Variants in RAD50 observed in about 807,000 individuals in gnomAD.
RAD50 encodes RAD50 double strand break repair protein.
Under a neutral mutation model 168.8 loss-of-function variants are expected in RAD50, and 132 were observed. That is an observed-to-expected ratio of 0.78 (90% CI 0.68 to 0.90). The LOEUF is 0.90. RAD50 is among the 40% of genes least tolerant of loss of function. The probability of loss-of-function intolerance (pLI) is 0.00; values close to 1 mark genes in which losing one functional copy is unlikely to be tolerated. For synonymous variants in RAD50, 525 were observed against 497.4 expected, an observed-to-expected ratio of 1.06 and a Z score of -0.74; for missense variants, 1,347 against 1,534.4, an observed-to-expected ratio of 0.88 and a Z score of 2.04.
At chr5:132,640,204 C>T (rs548705388) in intron 23 of RAD50, among the ~76,000 whole-genome samples, 3 of 152,198 alleles carry the variant, frequency 2.0e-5, no homozygotes, top group Admixed American at 6.5e-5. Context: ...GGATTATACA[C>T]AAGAATATGG....
intron 19 of RAD50, among the ~76,000 whole-genome samples, chr5:132,611,432 G>T (rs949380655): frequency 1.3e-5 from 2 of 151,292 alleles, no homozygotes; most frequent in African/African-American, 2.4e-5. Context: ...ACAGCCAGGC[G>T]TGGTGGCTCA....
intron 20 of RAD50, 94 bp downstream of exon 20, chr5:132,616,224 C>A: frequency 7.8e-7 from 1 of 1,279,638 alleles, no homozygotes; most frequent in Non-Finnish European, 1.1e-6. Flanking sequence ...ATTTTAGCCT[C>A]AGCCTGGTAT....
At chr5:132,589,506 C>T in intron 8 of RAD50, 125 bp from the exon 9 acceptor site, 1 of 703,464 alleles carries the variant, frequency 1.4e-6, no homozygotes, top group Non-Finnish European at 2.3e-6. Flanking sequence ...GGAATATATC[C>T]CTGCTGAGCA....
At chr5:132,565,292 GTT>G (rs34776903) in intron 2 of RAD50, among the ~76,000 whole-genome samples, 165 of 149,648 alleles carry the variant, frequency 1.1e-3, no homozygotes, top group African/African-American at 3.6e-3. Context: ...CCAGTTTCAG[GTT>G]TTTTTTTTAT....
chr5:132,585,460 A>T (rs1157185531), intron 5 of RAD50, among the ~76,000 whole-genome samples: 1 of 152,064 alleles, frequency 6.6e-6, no homozygotes, highest in Non-Finnish European at 1.5e-5. Flanking sequence ...TCAATTGATT[A>T]TTGATTTTGA....
intron 13 of RAD50, 24 bp from the exon 14 acceptor site, chr5:132,603,276 T>C (rs1446089092): frequency 1.3e-6 from 2 of 1,578,680 alleles, no homozygotes; most frequent in East Asian, 2.3e-5. Flanking sequence ...AGATACTTTA[T>C]TTTTAATTGT....
chr5:132,579,249 T>C (rs962493430), intron 3 of RAD50, 68 bp from the exon 4 acceptor site: 5 of 1,493,940 alleles, frequency 3.3e-6, no homozygotes, highest in Non-Finnish European at 4.6e-6. Context: ...CAGTATGAAT[T>C]GATTAAGCAA....
At position 132,589,604 on chromosome 5, in the gene RAD50, A is replaced by G. The variant is rs779114420; in HGVS notation, c.1246-27A>G. 5 of 1,491,646 alleles carry G rather than the reference A, an allele frequency of 3.4e-6. No homozygotes were observed. The East Asian group carries it at 9.1e-5, about 27-fold the overall frequency. The allele number at this position is 1,491,646 out of a possible 1,614,324, so 92.4% of individuals were successfully genotyped here. On this transcript the variant is annotated intron_variant, in intron 8 of 24. Coordinates refer to ENST00000378823, the MANE Select transcript of RAD50 (RefSeq NM_005732.4). ...ACTTAAATTGTTTAGTAAATTATTA[A>G]TGCTCATTCTTTACATATGCATTTA...
intron 5 of RAD50, among the ~76,000 whole-genome samples, chr5:132,583,837 G>A (rs1013361245): frequency 6.6e-6 from 1 of 151,792 alleles, no homozygotes; most frequent in Non-Finnish European, 1.5e-5. Context: ...GGGATTACAG[G>A]CATGTGCCAC....
rs1580974711 is a variant in RAD50, at chr5:132,557,554, G to A, written c.129+101G>A. 9.2e-6 allele frequency: 14 copies of A among 1,529,752 alleles called. No homozygotes were observed. In the East Asian group the frequency reaches 2.9e-4, roughly 32 times the overall value. 94.8% of individuals were successfully genotyped at this position (1,529,752 alleles called of 1,614,324 possible). On this transcript the variant is annotated intron_variant, in intron 1 of 24. Coordinates refer to ENST00000378823, the MANE Select transcript of RAD50 (RefSeq NM_005732.4). ...TCCTTAGGAGCAGAAGCGTCCCTAGGGCTCCACAGGTGTAGGCCCTTAAAG... is the reference window on the plus strand; with the variant it reads ...TCCTTAGGAGCAGAAGCGTCCCTAGAGCTCCACAGGTGTAGGCCCTTAAAG...
chr5:132,612,811 G>C (rs998145515), intron 19 of RAD50, among the ~76,000 whole-genome samples: 3 of 152,048 alleles, frequency 2.0e-5, no homozygotes, highest in Non-Finnish European at 2.9e-5. Flanking sequence ...CTGGGCAACA[G>C]AGCAAGACCC....
chr5:132,606,999 C>T (rs1432287244), intron 16 of RAD50, among the ~76,000 whole-genome samples: 5 of 152,118 alleles, frequency 3.3e-5, no homozygotes, highest in Admixed American at 1.3e-4. Flanking sequence ...TATGACAGAC[C>T]CACAGCCAAT....
chr5:132,640,856 GA>G, intron 24 of RAD50, 51 bp downstream of exon 24: 1 of 1,610,838 alleles, frequency 6.2e-7, no homozygotes, highest in Admixed American at 1.7e-5. Flanking sequence ...CACATTTGGG[GA>G]CAGGTTGTGA....
chr5:132,602,438 C>T (rs1750904904), intron 13 of RAD50, among the ~76,000 whole-genome samples: 1 of 152,086 alleles, frequency 6.6e-6, no homozygotes, highest in African/African-American at 2.4e-5. Flanking sequence ...TCAGTACCTG[C>T]CATGGAGGTG....
chr5:132,577,643 C>G (rs1197008373), intron 3 of RAD50, among the ~76,000 whole-genome samples: 2 of 152,066 alleles, frequency 1.3e-5, no homozygotes, highest in African/African-American at 4.8e-5. Context: ...CCTGTATCTT[C>G]TCCTTTTTTT....
chr5:132,569,697 G>A (rs1750267478), intron 2 of RAD50, among the ~76,000 whole-genome samples: 1 of 152,160 alleles, frequency 6.6e-6, no homozygotes, highest in Non-Finnish European at 1.5e-5. Flanking sequence ...TCAAGTGCAT[G>A]TGGAACATTC....
intron 2 of RAD50, 47 bp downstream of exon 2, chr5:132,559,414 T>C: frequency 6.5e-7 from 1 of 1,549,558 alleles, no homozygotes; most frequent in Non-Finnish European, 8.8e-7. Flanking sequence ...ATAAAAATGA[T>C]AATAGCTTAT....
intron 13 of RAD50, 79 bp downstream of exon 13, chr5:132,595,889 A>G (rs1400984098): frequency 1.5e-6 from 2 of 1,311,092 alleles, no homozygotes; most frequent in African/African-American, 2.9e-5. Flanking sequence ...GGCAGATGGT[A>G]GTTACTCAGT....
At chr5:132,604,431 A>G (rs1178323497) in intron 15 of RAD50, among the ~76,000 whole-genome samples, 1 of 151,918 alleles carries the variant, frequency 6.6e-6, no homozygotes, top group Non-Finnish European at 1.5e-5. Flanking sequence ...ATGCCCAGCT[A>G]ATTTTTGTAT....
Sources: gnomAD v4.1 joint callset for allele counts (sites outside exome capture counted in the v4.1 genomes callset) on GRCh38, gnomAD v4.1.1 for gene constraint, MANE v1.5 for transcripts, NCBI Gene and HGNC (gene_info 2026-07-23, HGNC 2026-07-21) for gene names.